Variants in MAPK10 observed in about 807,000 individuals in gnomAD.
MAPK10 encodes JNK3 alpha protein kinase.
MAPK10 carries 25 observed loss-of-function variants against 59.3 expected under a neutral mutation model. That is an observed-to-expected ratio of 0.42 (90% CI 0.31 to 0.59). The LOEUF is 0.59. MAPK10 is among the 20% of genes least tolerant of loss of function. MAPK10 has a pLI of 0.15. For synonymous variants in MAPK10, 190 were observed against 200.5 expected (o/e 0.95, Z 0.44); for missense variants, 351 against 568.9 (o/e 0.62, Z 3.90).
intron 4 of MAPK10, among the ~76,000 whole-genome samples, chr4:86,113,507 G>A (rs1160367872): frequency 1.3e-5 from 2 of 152,108 alleles, no homozygotes; most frequent in African/African-American, 2.4e-5. Context: ...ATTCTGGGTT[G>A]GAAACTCTTT....
chr4:86,548,134 G>A (rs1578077790), intron 1 of MAPK10, among the ~76,000 whole-genome samples: 1 of 152,122 alleles, frequency 6.6e-6, no homozygotes, highest in Admixed American at 6.5e-5. Flanking sequence ...TTTATGAGCT[G>A]TAACACTCAC....
intron 1 of MAPK10, among the ~76,000 whole-genome samples, chr4:86,546,590 G>A (rs1390435077): frequency 6.6e-6 from 1 of 151,668 alleles, no homozygotes; most frequent in African/African-American, 2.4e-5. Flanking sequence ...GAATTTCAAG[G>A]TGGCAAAAAT....
intron 2 of MAPK10, among the ~76,000 whole-genome samples, chr4:86,200,995 C>G (rs2082492303): frequency 6.6e-6 from 1 of 151,866 alleles, no homozygotes; most frequent in East Asian, 1.9e-4. Context: ...CTCTTTACTC[C>G]TTTCTCTCCA....
rs1301049319 is a variant in MAPK10, at chr4:86,017,019, G to A, written c.*209C>T. On this transcript the variant is annotated 3_prime_UTR_variant, in exon 14 of 14. Coordinates refer to ENST00000641462, the MANE Select transcript of MAPK10 (RefSeq NM_138982.4). The surrounding 1 kb of genome is among the most constrained non-coding windows in gnomAD (Gnocchi z 4.4). ...AAGACCAAAGCAAGAGCAACTAGAAGTTAAATATACATTTGAGCTTAGCTG... is the reference window on the plus strand; with the variant it reads ...AAGACCAAAGCAAGAGCAACTAGAAATTAAATATACATTTGAGCTTAGCTG... The A allele has an allele frequency of 6.2e-6, 3 of 487,342 alleles. No homozygotes were observed. Among genetic ancestry groups the A allele is most frequent in the East Asian group, 7.0e-5 (2 of 28,504 alleles). The allele number at this position is 487,342 out of a possible 1,614,324, so 30.2% of individuals were successfully genotyped here. A position where few individuals can be genotyped will look rare whatever the true frequency, so the allele number is the denominator to read the frequency against.
At chr4:86,538,037 T>C (rs1758380360) in intron 1 of MAPK10, among the ~76,000 whole-genome samples, 2 of 152,214 alleles carry the variant, frequency 1.3e-5, no homozygotes, top group Non-Finnish European at 2.9e-5. Context: ...TTTTTGCTTA[T>C]GGGTAATCAA....
At chr4:86,131,136 G>GA (rs80229174) in intron 4 of MAPK10, among the ~76,000 whole-genome samples, 27,169 of 152,040 alleles carry the variant, frequency 0.18, 2,534 homozygotes, top group African/African-American at 0.21. Context: ...GAGAATTACT[G>GA]AAAATAAGTG....
intron 2 of MAPK10, among the ~76,000 whole-genome samples, chr4:86,311,462 G>A (rs1251775546): frequency 6.6e-6 from 1 of 152,072 alleles, no homozygotes; most frequent in Non-Finnish European, 1.5e-5. Context: ...CTGTCACAAT[G>A]AAAAACAGAT....
chr4:86,209,754 T>C (rs2085264586), intron 2 of MAPK10, among the ~76,000 whole-genome samples: 1 of 146,644 alleles, frequency 6.8e-6, no homozygotes, highest in Non-Finnish European at 1.5e-5. Context: ...AATGACATTC[T>C]TCATAGAAAC....
chr4:86,195,734 G>C (rs1039157828), intron 2 of MAPK10, among the ~76,000 whole-genome samples: 5 of 151,940 alleles, frequency 3.3e-5, no homozygotes, highest in African/African-American at 1.2e-4. Context: ...CCCCCACCCT[G>C]ACAGGCCCCT....
intron 11 of MAPK10, among the ~76,000 whole-genome samples, chr4:86,033,202 C>A (rs2039456710): frequency 6.6e-6 from 1 of 152,214 alleles, no homozygotes; most frequent in Non-Finnish European, 1.5e-5. Context: ...AAGGAAGCTA[C>A]CACAAAGCCA....
chr4:86,390,962 G>A (rs891768483), intron 1 of MAPK10, among the ~76,000 whole-genome samples: 1 of 152,186 alleles, frequency 6.6e-6, no homozygotes, highest in Non-Finnish European at 1.5e-5. Flanking sequence ...CCACATAATT[G>A]CTATCTGAGA....
intron 1 of MAPK10, among the ~76,000 whole-genome samples, chr4:86,555,170 G>A (rs1425712296): frequency 1.3e-5 from 2 of 152,176 alleles, no homozygotes; most frequent in South Asian, 2.1e-4. Context: ...GGGATCTGCC[G>A]GGCACGGTGG....
Position 86,374,937 on chromosome 4 carries a change from C to T in MAPK10, c.-121-20293G>A, listed in dbSNP as rs1326473274. On this transcript the variant is annotated intron_variant, in intron 1 of 13. Coordinates refer to the MAPK10 transcript ENST00000361569. The stretch of plus-strand genomic sequence containing the variant: ...ATGTGTACATGCACAAACAAGCACA[C>T]GTGTTCATCCAGTTAACAAATATTC... Among the ~76,000 whole-genome samples the T allele has an allele frequency of 7.2e-5, 11 of 152,316 alleles. No individual in the cohort carries two copies. In the East Asian group the frequency reaches 9.6e-4, roughly 13 times the overall value.
At chr4:86,336,948 G>A (rs764981965) in intron 2 of MAPK10, among the ~76,000 whole-genome samples, 16 of 151,842 alleles carry the variant, frequency 1.1e-4, no homozygotes, top group African/African-American at 3.1e-4. Flanking sequence ...CCGCCACCGC[G>A]CCTGCTAATT....
chr4:86,317,503 T>C (rs574561378), intron 2 of MAPK10, among the ~76,000 whole-genome samples: 2 of 152,218 alleles, frequency 1.3e-5, no homozygotes, highest in Non-Finnish European at 2.9e-5. Context: ...ATATTATCTA[T>C]TGATTATGCT....
At chr4:86,206,406 T>C (rs1338535748) in intron 2 of MAPK10, among the ~76,000 whole-genome samples, 5 of 152,068 alleles carry the variant, frequency 3.3e-5, no homozygotes, top group Non-Finnish European at 7.4e-5. Flanking sequence ...TAGTATTCCA[T>C]GGTGTATATG....
At chr4:86,281,763 G>A (rs901276593) in intron 2 of MAPK10, among the ~76,000 whole-genome samples, 1 of 151,886 alleles carries the variant, frequency 6.6e-6, no homozygotes, top group East Asian at 1.9e-4. Context: ...TCCTAGTCTC[G>A]GGATTGACAG....
At position 86,055,420 on chromosome 4, in the gene MAPK10, A is replaced by T. The variant is rs978800859; in HGVS notation, c.1110+8846T>A. Among the ~76,000 whole-genome samples, 2 of 149,828 alleles carry T rather than the reference A, an allele frequency of 1.3e-5. 1 individual carries two copies. The highest frequency in any genetic ancestry group is 3.0e-5 in the Non-Finnish European group (2 of 67,546). ...AATAAGCCCTTTATAAAAACCTCCAAATAGGTCTTTCCTGAGAAAACTCAA... is the reference window on the plus strand; with the variant it reads ...AATAAGCCCTTTATAAAAACCTCCATATAGGTCTTTCCTGAGAAAACTCAA... On this transcript the variant is annotated intron_variant, in intron 11 of 13. Transcript: ENST00000641462.
intron 1 of MAPK10, among the ~76,000 whole-genome samples, chr4:86,530,029 T>C (rs112158733): frequency 0.046 from 7,041 of 151,822 alleles, 218 homozygotes; most frequent in African/African-American, 0.058. Context: ...CTTTTGGCTG[T>C]ATATTAATCT....
Sources: gnomAD v4.1 joint callset for allele counts (sites outside exome capture counted in the v4.1 genomes callset) on GRCh38, gnomAD v4.1.1 for gene constraint, Gnocchi (gnomAD v3.1) non-coding constraint, MANE v1.5 for transcripts, NCBI Gene and HGNC (gene_info 2026-07-23, HGNC 2026-07-21) for gene names.